The following GRM4 variants were observed in gnomAD, a reference collection of about 807,000 sequenced individuals.
GRM4 encodes metabotropic glutamate receptor 4.
GRM4 carries 28 observed loss-of-function variants against 81.7 expected under a neutral mutation model. That is an observed-to-expected ratio of 0.34 (90% CI 0.25 to 0.47). GRM4 has a LOEUF of 0.47. Among genes scored for constraint, GRM4 ranks in the 20% least tolerant of loss-of-function variants. GRM4 has a pLI of 1.00. For missense variants in GRM4, 948 were observed against 1,290.0 expected, an observed-to-expected ratio of 0.73 and a Z score of 4.06; for synonymous variants, 488 against 528.8, an observed-to-expected ratio of 0.92 and a Z score of 1.06.
chr6:34,099,657 G>A (rs557656883), intron 2 of GRM4, among the ~76,000 whole-genome samples: 1 of 152,290 alleles, frequency 6.6e-6, no homozygotes, highest in South Asian at 2.1e-4. Context: ...GAGTGACCCA[G>A]ACAGCTTGGG....
Position 34,069,687 on chromosome 6 carries a change from T to TGA in GRM4, c.737-7661_737-7660dup, listed in dbSNP as rs1405487435. ...GTGTGTGTGTGTGTGTGTGTGTGTG[T>TGA]GACCCTGAGCGCCTGCCTCTTCTCC... On this transcript the variant is annotated intron_variant, in intron 3 of 10. Transcript: ENST00000538487. This position sits in a 1 kb window ranked among gnomAD's most constrained non-coding sequence, Gnocchi z 6.4. Among the ~76,000 whole-genome samples the TGA allele has an allele frequency of 4.2e-3, 591 of 141,782 alleles. 2 individuals are homozygous for TGA. Among genetic ancestry groups the TGA allele is most frequent in the Non-Finnish European group, 5.2e-3 (348 of 66,510 alleles). The allele number at this position is 141,782 out of a possible 152,430, so 93.0% of individuals were successfully genotyped here.
At position 34,080,850 on chromosome 6, in the gene GRM4, A is replaced by G. The variant is rs1767554038; in HGVS notation, c.736+11033T>C. 1.0e-5 allele frequency among the ~76,000 whole-genome samples: 1 copy of G among 95,954 alleles called. No individual in the cohort carries two copies. The highest frequency in any genetic ancestry group is 3.7e-4 in the South Asian group (1 of 2,668). The allele number at this position is 95,954 out of a possible 152,430, so 62.9% of individuals were successfully genotyped here. Reference sequence around the variant, plus strand: ...CTCTCTCACACACACACACACATACACACACACATACACATACATATACAC... The same window carrying G: ...CTCTCTCACACACACACACACATACGCACACACATACACATACATATACAC... On this transcript the variant is annotated intron_variant, in intron 3 of 10. Transcript: ENST00000538487. The surrounding 1 kb of genome is among the most constrained non-coding windows in gnomAD (Gnocchi z 5.4).
chr6:34,051,423 C>G (rs1410648890), intron 6 of GRM4, among the ~76,000 whole-genome samples: 1 of 152,148 alleles, frequency 6.6e-6, no homozygotes, highest in Non-Finnish European at 1.5e-5. Context: ...TGGCATCTCC[C>G]CACACACCCC....
intron 2 of GRM4, among the ~76,000 whole-genome samples, chr6:34,102,326 C>T (rs1768883181): frequency 6.6e-6 from 1 of 152,222 alleles, no homozygotes; most frequent in Admixed American, 6.5e-5. Context: ...TCATGCTCAA[C>T]ACCTCTGATC....
At chr6:34,140,121 A>T (rs974755045) in intron 1 of GRM4, among the ~76,000 whole-genome samples, 2 of 152,244 alleles carry the variant, frequency 1.3e-5, no homozygotes, top group Non-Finnish European at 1.5e-5. Context: ...TCAGAAAAGA[A>T]TAATCAGGGA....
chr6:34,133,531 C>T lies in GRM4; in HGVS notation c.-35G>A, dbSNP rs1314053038. On this transcript the variant is annotated 5_prime_UTR_variant, in exon 2 of 11. Transcript: ENST00000538487. This position sits in a 1 kb window ranked among gnomAD's most constrained non-coding sequence, Gnocchi z 6.5. ...CCCTAGAGACCCATGAACGGCAGGC[C>T]CACTCCTAGCCCTGGCAGGCCCCTG... 2 of 1,514,118 alleles carry T rather than the reference C, an allele frequency of 1.3e-6. No individual in the cohort carries two copies. The highest frequency in any genetic ancestry group is 2.6e-5 in the South Asian group (2 of 75,572). The allele number at this position is 1,514,118 out of a possible 1,614,324, so 93.8% of individuals were successfully genotyped here. A position where few individuals can be genotyped will look rare whatever the true frequency, so the allele number is the denominator to read the frequency against.
At chr6:34,024,478 A>G (rs921350708) in intron 10 of GRM4, 1 of 347,136 alleles carries the variant, frequency 2.9e-6, no homozygotes, top group Non-Finnish European at 5.7e-6. Flanking sequence ...TGAGCTGCTC[A>G]GTTCTGGGAC....
rs1768287533 is a variant in GRM4, at chr6:34,092,475, C to T, written c.520-376G>A. On this transcript the variant is annotated intron_variant, in intron 2 of 10. Coordinates refer to ENST00000538487, the MANE Select transcript of GRM4 (RefSeq NM_000841.4). The surrounding 1 kb of genome is among the most constrained non-coding windows in gnomAD (Gnocchi z 6.8). ...GGTGGGATTTGGGTGTTGGGAGGGG[C>T]CCTGAGGGGTCATGTGGCCCATCCC... Among the ~76,000 whole-genome samples the T allele has an allele frequency of 6.6e-6, 1 of 152,092 alleles. No individual in the cohort carries two copies. The highest frequency in any genetic ancestry group is 2.1e-4 in the South Asian group (1 of 4,826).
chr6:34,025,927 T>C (rs1184729482), intron 10 of GRM4, among the ~76,000 whole-genome samples: 1 of 152,070 alleles, frequency 6.6e-6, no homozygotes, highest in Admixed American at 6.5e-5. Context: ...GGGGACTGGA[T>C]AGGGACAGCA....
chr6:34,082,694 G>C (rs1196384863), intron 3 of GRM4, among the ~76,000 whole-genome samples: 1 of 152,262 alleles, frequency 6.6e-6, no homozygotes, highest in Admixed American at 6.5e-5. Context: ...CCAGTGCTCG[G>C]TGCAGTGCCC....
rs9461946 is a variant in GRM4 at position 34,021,573 on chromosome 6, A to C, written c.*1248T>G. The C allele has an allele frequency of 0.088, 13,474 of 152,474 alleles. 1,291 individuals carry two copies. The highest frequency in any genetic ancestry group is 0.24 in the African/African-American group (10,064 of 41,450). 9.4% of individuals were successfully genotyped at this position (152,474 alleles called of 1,614,324 possible). On this transcript the variant is annotated 3_prime_UTR_variant, in exon 11 of 11. Coordinates refer to ENST00000538487, the MANE Select transcript of GRM4 (RefSeq NM_000841.4). The surrounding 1 kb of genome is among the most constrained non-coding windows in gnomAD (Gnocchi z 5.3). ...AGAAATGTTACCCTCCCAGGGCTGC[A>C]GGGCAGGGGACAGAGCATACCCCCT...
chr6:34,142,423 G>C (rs561577440), intron 1 of GRM4, among the ~76,000 whole-genome samples: 2 of 152,340 alleles, frequency 1.3e-5, no homozygotes, highest in Admixed American at 1.3e-4. Flanking sequence ...ATCTTGGGGT[G>C]GGTGGTAATT....
chr6:34,049,617 C>G (rs1765514594), intron 6 of GRM4, among the ~76,000 whole-genome samples: 1 of 152,170 alleles, frequency 6.6e-6, no homozygotes, highest in African/African-American at 2.4e-5. Context: ...ATGGTCTCCA[C>G]CAAAGCCCTG....
chr6:34,050,499 C>A (rs998217280), intron 6 of GRM4, among the ~76,000 whole-genome samples: 13 of 152,182 alleles, frequency 8.5e-5, no homozygotes, highest in African/African-American at 3.1e-4. Flanking sequence ...CGTCTCCCTC[C>A]CACCATGACG....
rs71000022 is a variant in GRM4, at chr6:34,087,799, TACACACACACACAC to T, written c.736+4070_736+4083del. 2.6e-3 allele frequency among the ~76,000 whole-genome samples: 231 copies of T among 88,396 alleles called. 3 individuals are homozygous for T. Among genetic ancestry groups the T allele is most frequent in the Admixed American group, 3.8e-3 (28 of 7,358 alleles). The allele number at this position is 88,396 out of a possible 152,430, so 58.0% of individuals were successfully genotyped here. On this transcript the variant is annotated intron_variant, in intron 3 of 10. Coordinates refer to ENST00000538487, the MANE Select transcript of GRM4 (RefSeq NM_000841.4). ...CCAGAACTTCCCAGACATGCACCCC[TACACACACACACAC>T]ACACACACACACACACACACACACA...
intron 1 of GRM4, among the ~76,000 whole-genome samples, chr6:34,135,288 T>C (rs1770415372): frequency 6.6e-6 from 1 of 152,158 alleles, no homozygotes; most frequent in South Asian, 2.1e-4. Flanking sequence ...CAGCCTCAGC[T>C]CCTGAGCTTC....
At chr6:34,057,094 C>T (rs569438548) in intron 5 of GRM4, among the ~76,000 whole-genome samples, 40 of 152,166 alleles carry the variant, frequency 2.6e-4, no homozygotes, top group African/African-American at 9.2e-4. Context: ...GGGAGGGAAC[C>T]ACCCAGATCA....
intron 1 of GRM4, among the ~76,000 whole-genome samples, chr6:34,139,937 TG>T (rs34636009): frequency 6.7e-6 from 1 of 150,204 alleles, no homozygotes; most frequent in East Asian, 2.0e-4. Context: ...GGGGAAACAC[TG>T]GGAGTGAAAC....
chr6:34,123,381 C>G (rs1769891196), intron 2 of GRM4, among the ~76,000 whole-genome samples: 1 of 152,172 alleles, frequency 6.6e-6, no homozygotes, highest in South Asian at 2.1e-4. Flanking sequence ...AGGCCACACC[C>G]CTCGAACGCC....
Sources: gnomAD v4.1 joint callset for allele counts (sites outside exome capture counted in the v4.1 genomes callset) on GRCh38, gnomAD v4.1.1 for gene constraint, Gnocchi (gnomAD v3.1) non-coding constraint, MANE v1.5 for transcripts, NCBI Gene and HGNC (gene_info 2026-07-23, HGNC 2026-07-21) for gene names.